The following METAP1D variants were observed in gnomAD, a reference collection of about 807,000 sequenced individuals.
METAP1D encodes the protein methionine aminopeptidase 1D, mitochondrial.
METAP1D carries 31 observed loss-of-function variants against 40.5 expected under a neutral mutation model. The ratio of observed to expected loss-of-function variants is 0.77; its 90% CI spans 0.58 to 1.03. The LOEUF (loss-of-function observed/expected upper bound fraction) is 1.03. Among genes scored for constraint, METAP1D ranks in the 50% least tolerant of loss-of-function variants. The probability of loss-of-function intolerance (pLI) is 0.00; values close to 1 mark genes in which losing one functional copy is unlikely to be tolerated. For missense variants in METAP1D, 411 were observed against 420.7 expected (o/e 0.98, Z 0.20); for synonymous variants, 151 against 146.4 (o/e 1.03, Z -0.22).
intron 6 of METAP1D, among the ~76,000 whole-genome samples, 190 bp from the exon 7 acceptor site, chr2:172,077,607 C>T (rs1325919334): frequency 6.6e-6 from 1 of 152,168 alleles, no homozygotes; most frequent in East Asian, 1.9e-4. Context: ...TATCCAAAGA[C>T]AGTGGTTGCA....
intron 5 of METAP1D, among the ~76,000 whole-genome samples, chr2:172,070,326 A>G (rs761310088): frequency 1.3e-5 from 2 of 152,182 alleles, no homozygotes; most frequent in Non-Finnish European, 2.9e-5. Flanking sequence ...TCACTTCTAG[A>G]CATAGGATTT....
intron 1 of METAP1D, among the ~76,000 whole-genome samples, chr2:172,011,782 G>A (rs1688728638): frequency 6.6e-6 from 1 of 152,146 alleles, no homozygotes; most frequent in Non-Finnish European, 1.5e-5. Context: ...CCATTCACCA[G>A]TTTGTGGACA....
chr2:172,035,148 T>G (rs961391317), intron 1 of METAP1D, among the ~76,000 whole-genome samples: 1 of 143,358 alleles, frequency 7.0e-6, no homozygotes, highest in Non-Finnish European at 1.5e-5. Context: ...CTGTACTGTG[T>G]TTTTTTTTTG....
chr2:172,078,057 C>T (rs957251132), intron 7 of METAP1D, among the ~76,000 whole-genome samples, 163 bp downstream of exon 7: 3 of 152,006 alleles, frequency 2.0e-5, no homozygotes, highest in South Asian at 4.2e-4. Context: ...TAATTTTAAC[C>T]GGGACATTAC....
intron 1 of METAP1D, among the ~76,000 whole-genome samples, chr2:172,057,812 G>T (rs1690035231): frequency 6.6e-6 from 1 of 152,162 alleles, no homozygotes; most frequent in South Asian, 2.1e-4. Flanking sequence ...TACAGTTTCT[G>T]TGAAGATTAA....
intron 1 of METAP1D, among the ~76,000 whole-genome samples, chr2:172,014,490 C>T (rs1688806568): frequency 6.6e-6 from 1 of 152,094 alleles, no homozygotes; most frequent in African/African-American, 2.4e-5. Flanking sequence ...TAGGTTGTCC[C>T]AAAGGTGTAG....
chr2:172,000,245 G>A (rs1293324157), intron 1 of METAP1D, among the ~76,000 whole-genome samples: 2 of 152,176 alleles, frequency 1.3e-5, no homozygotes, highest in South Asian at 4.1e-4. Context: ...GCATCTTTTC[G>A]CAATTACTCC....
chr2:172,043,553 TAA>T (rs1224048995), intron 1 of METAP1D, among the ~76,000 whole-genome samples: 1 of 134,742 alleles, frequency 7.4e-6, no homozygotes, highest in Non-Finnish European at 1.7e-5. Context: ...TTTTAAAACT[TAA>T]GTTTTTTAAA....
chr2:172,066,428 G>A (rs1031300038), intron 5 of METAP1D, 122 bp downstream of exon 5: 6 of 736,738 alleles, frequency 8.1e-6, no homozygotes, highest in Non-Finnish European at 1.3e-5. Flanking sequence ...AGACCCAGAC[G>A]CAAGCAGCTG....
chr2:172,018,876 A>G (rs1688941979), intron 1 of METAP1D, among the ~76,000 whole-genome samples: 1 of 152,094 alleles, frequency 6.6e-6, no homozygotes, highest in African/African-American at 2.4e-5. Context: ...GGTATTCCAC[A>G]ATGTAATTTA....
At chr2:172,065,293 A>G (rs1690246180) in intron 3 of METAP1D, among the ~76,000 whole-genome samples, 1 of 152,196 alleles carries the variant, frequency 6.6e-6, no homozygotes. Context: ...TTGCCGAAGA[A>G]CATAATTTTG....
At chr2:172,037,563 C>A (rs1689425100) in intron 1 of METAP1D, among the ~76,000 whole-genome samples, 1 of 152,180 alleles carries the variant, frequency 6.6e-6, no homozygotes, top group Non-Finnish European at 1.5e-5. Context: ...CTCATTTAAT[C>A]TTTACAACAG....
chr2:172,078,772 A>T (rs1690618315), intron 7 of METAP1D, among the ~76,000 whole-genome samples: 1 of 152,062 alleles, frequency 6.6e-6, no homozygotes, highest in African/African-American at 2.4e-5. Context: ...AAGCTATTTG[A>T]AGTCAGGCCC....
intron 1 of METAP1D, among the ~76,000 whole-genome samples, chr2:172,007,639 G>A (rs1185899841): frequency 1.3e-5 from 2 of 152,108 alleles, no homozygotes; most frequent in African/African-American, 4.8e-5. Context: ...TGTCTAATTG[G>A]TTAAGACAGG....
At chr2:172,011,645 C>T (rs1014212845) in intron 1 of METAP1D, among the ~76,000 whole-genome samples, 1 of 152,176 alleles carries the variant, frequency 6.6e-6, no homozygotes, top group African/African-American at 2.4e-5. Flanking sequence ...AATCATACAA[C>T]ATGCAGTCTT....
At chr2:172,001,282 G>A (rs1006291679) in intron 1 of METAP1D, among the ~76,000 whole-genome samples, 2 of 152,110 alleles carry the variant, frequency 1.3e-5, no homozygotes, top group African/African-American at 4.8e-5. Context: ...GCTCACACCT[G>A]TAAACCCAGC....
chr2:172,037,252 A>G (rs541722967), intron 1 of METAP1D, among the ~76,000 whole-genome samples: 1 of 135,720 alleles, frequency 7.4e-6, no homozygotes, highest in Non-Finnish European at 1.5e-5. Context: ...ACAAGAGGGA[A>G]ACTCCATCTC....
chr2:172,036,277 A>G (rs537553491), intron 1 of METAP1D, among the ~76,000 whole-genome samples: 2 of 146,424 alleles, frequency 1.4e-5, no homozygotes, highest in East Asian at 2.2e-4. Context: ...AGATCGCGCC[A>G]TTGCACTCCA....
At chr2:172,041,783 A>T in intron 1 of METAP1D, among the ~76,000 whole-genome samples, 1 of 81,236 alleles carries the variant, frequency 1.2e-5, no homozygotes, top group East Asian at 2.5e-4. Flanking sequence ...CCCCCAAAAG[A>T]AATGACCTAA....
Sources: gnomAD v4.1 joint callset for allele counts (sites outside exome capture counted in the v4.1 genomes callset) on GRCh38, gnomAD v4.1.1 for gene constraint, MANE v1.5 for transcripts, NCBI Gene and HGNC (gene_info 2026-07-23, HGNC 2026-07-21) for gene names.